Variants in RABL3 observed in about 807,000 individuals in gnomAD.
The protein encoded by RABL3 is RAB, member of RAS oncogene family like 3.
Under a neutral mutation model 31.8 loss-of-function variants are expected in RABL3, and 31 were observed. The ratio of observed to expected loss-of-function variants is 0.97; its 90% CI spans 0.73 to 1.31. RABL3 has a LOEUF of 1.31. RABL3 is among the 40% of genes most tolerant of loss of function. The pLI, the probability that RABL3 is intolerant of heterozygous loss-of-function variation, is 0.00. For missense variants in RABL3, 263 were observed against 279.6 expected (o/e 0.94, Z 0.42); for synonymous variants, 97 against 99.9 (o/e 0.97, Z 0.18).
Position 120,725,771 on chromosome 3 carries a change from C to T in RABL3, c.138+4925G>A, listed in dbSNP as rs373848016. On this transcript the variant is annotated intron_variant, in intron 2 of 7. Coordinates refer to ENST00000273375, the MANE Select transcript of RABL3 (RefSeq NM_173825.5). ...ATGAGAACACATGGACACAGGAAGGCGAACATCACACACTGGGGCCTATTG... is the reference window on the plus strand; with the variant it reads ...ATGAGAACACATGGACACAGGAAGGTGAACATCACACACTGGGGCCTATTG... Among the ~76,000 whole-genome samples the T allele has an allele frequency of 1.2e-4, 18 of 151,940 alleles. No homozygotes were observed. The East Asian group carries it at 2.3e-3, about 20-fold the overall frequency.
intron 4 of RABL3, among the ~76,000 whole-genome samples, chr3:120,699,236 A>G (rs148743550): frequency 6.6e-6 from 1 of 152,352 alleles, no homozygotes; most frequent in Non-Finnish European, 1.5e-5. Context: ...TGCAAAATGA[A>G]TAGTAAAAGG....
At chr3:120,708,077 T>C (rs1708571549) in intron 3 of RABL3, among the ~76,000 whole-genome samples, 1 of 152,048 alleles carries the variant, frequency 6.6e-6, no homozygotes. Context: ...TGCATTTGGA[T>C]AGAGTGATCC....
At chr3:120,715,322 T>G (rs1708655700) in intron 2 of RABL3, among the ~76,000 whole-genome samples, 1 of 152,150 alleles carries the variant, frequency 6.6e-6, no homozygotes, top group Admixed American at 6.5e-5. Flanking sequence ...GCAGATCACT[T>G]GAGGCCAGGA....
chr3:120,730,067 TA>T (rs1443356670), intron 2 of RABL3, among the ~76,000 whole-genome samples: 2 of 152,010 alleles, frequency 1.3e-5, no homozygotes, highest in Non-Finnish European at 2.9e-5. Flanking sequence ...AGCAGCAATG[TA>T]AATCAGAGCT....
Position 120,702,736 on chromosome 3 carries a change from T to C in RABL3, c.383+3264A>G, listed in dbSNP as rs566675681. On this transcript the variant is annotated intron_variant, in intron 4 of 7. Coordinates refer to ENST00000273375, the MANE Select transcript of RABL3 (RefSeq NM_173825.5). The stretch of plus-strand genomic sequence containing the variant: ...CAACGCCTGGCTAATCTTTTGTATT[T>C]TTAGTAGAGACAGGGTTTCACCATG... Among the ~76,000 whole-genome samples the C allele has an allele frequency of 2.6e-5, 4 of 152,080 alleles. No homozygotes were observed. In the South Asian group the frequency reaches 8.3e-4, roughly 32 times the overall value.
intron 2 of RABL3, among the ~76,000 whole-genome samples, chr3:120,710,985 C>T (rs958846359): frequency 2.0e-5 from 3 of 152,154 alleles, no homozygotes; most frequent in African/African-American, 7.2e-5. Context: ...ATGACCTCCA[C>T]ATTGTTAACT....
intron 1 of RABL3, among the ~76,000 whole-genome samples, chr3:120,740,181 A>G (rs1331384223): frequency 6.6e-6 from 1 of 152,252 alleles, no homozygotes; most frequent in Non-Finnish European, 1.5e-5. Context: ...ACCGTATGGT[A>G]GTGAGACTTT....
intron 2 of RABL3, among the ~76,000 whole-genome samples, chr3:120,721,663 C>G (rs1404850946): frequency 6.6e-6 from 1 of 152,180 alleles, no homozygotes; most frequent in Admixed American, 6.5e-5. Flanking sequence ...TACAGGAGCA[C>G]CCAGATTCAT....
chr3:120,709,926 T>A lies in RABL3; in HGVS notation c.139-17A>T, dbSNP rs763818782. 5 of 1,564,926 alleles carry A rather than the reference T, an allele frequency of 3.2e-6. No individual in the cohort carries two copies. In the African/African-American group the frequency reaches 6.9e-5, roughly 21 times the overall value. On this transcript the variant is annotated splice_polypyrimidine_tract_variant and intron_variant, in intron 2 of 7. Transcript: ENST00000273375. Reference sequence around the variant, plus strand: ...ATCATGAACCTAACAAATCAATCAATTAAAATAATTAATATAGCCACTAAA... The same window carrying A: ...ATCATGAACCTAACAAATCAATCAAATAAAATAATTAATATAGCCACTAAA...
chr3:120,736,767 T>G (rs953254458), intron 1 of RABL3, among the ~76,000 whole-genome samples: 24 of 151,974 alleles, frequency 1.6e-4, no homozygotes, highest in African/African-American at 5.1e-4. Context: ...GTCTGTCAAG[T>G]ATTTTATTTC....
intron 2 of RABL3, among the ~76,000 whole-genome samples, chr3:120,723,988 A>G (rs1466517125): frequency 6.6e-6 from 1 of 152,206 alleles, no homozygotes. Context: ...GTATTCAATT[A>G]GGAAAAGAGG....
chr3:120,689,662 G>A lies in RABL3; in HGVS notation c.*161C>T, dbSNP rs535956471. The A allele has an allele frequency of 6.4e-4, 373 of 580,782 alleles. 4 individuals are homozygous for A. In the South Asian group the frequency reaches 7.2e-3, roughly 11 times the overall value. 36.0% of individuals were successfully genotyped at this position (580,782 alleles called of 1,614,324 possible). Reference sequence around the variant, plus strand: ...AACAGGGACAAAGTTTGGACCTCCCGTATTGTCACTTCCTTTCATTTTTCC... The same window carrying A: ...AACAGGGACAAAGTTTGGACCTCCCATATTGTCACTTCCTTTCATTTTTCC... On this transcript the variant is annotated 3_prime_UTR_variant, in exon 8 of 8. Transcript: ENST00000273375.
chr3:120,733,868 A>G (rs1009567621), intron 1 of RABL3, among the ~76,000 whole-genome samples: 1 of 150,960 alleles, frequency 6.6e-6, no homozygotes, highest in African/African-American at 2.4e-5. Context: ...ATGGTTGTAG[A>G]TGTGTAGATG....
intron 6 of RABL3, 98 bp from the exon 7 acceptor site, chr3:120,690,585 C>T: frequency 1.2e-6 from 1 of 804,500 alleles, no homozygotes. Flanking sequence ...TATATCCAAA[C>T]TAAGAATCTT....
chr3:120,736,083 A>T (rs1559824757), intron 1 of RABL3, among the ~76,000 whole-genome samples: 1 of 152,172 alleles, frequency 6.6e-6, no homozygotes, highest in African/African-American at 2.4e-5. Flanking sequence ...AGGTGAGTTC[A>T]ATTCCTGGAT....
chr3:120,735,510 G>A (rs1708948462), intron 1 of RABL3, among the ~76,000 whole-genome samples: 1 of 152,020 alleles, frequency 6.6e-6, no homozygotes, highest in African/African-American at 2.4e-5. Context: ...TGGATTCATT[G>A]ATTTTTTGAA....
intron 2 of RABL3, among the ~76,000 whole-genome samples, chr3:120,716,219 T>C (rs1029478672): frequency 6.6e-6 from 1 of 152,242 alleles, no homozygotes; most frequent in Non-Finnish European, 1.5e-5. Context: ...TCTAAATTCA[T>C]TAAGTCTTGT....
intron 1 of RABL3, among the ~76,000 whole-genome samples, chr3:120,739,385 C>T (rs565561385): frequency 3.5e-4 from 53 of 151,262 alleles, no homozygotes; most frequent in Admixed American, 5.3e-4. Context: ...TCGGTGGTGG[C>T]GGGCAGTGGG....
At chr3:120,737,394 C>G (rs182521381) in intron 1 of RABL3, among the ~76,000 whole-genome samples, 71 of 152,338 alleles carry the variant, frequency 4.7e-4, no homozygotes, top group African/African-American at 1.6e-3. Flanking sequence ...AAGGACTTCT[C>G]TACATTGGTT....
Sources: gnomAD v4.1 joint callset for allele counts (sites outside exome capture counted in the v4.1 genomes callset) on GRCh38, gnomAD v4.1.1 for gene constraint, MANE v1.5 for transcripts, NCBI Gene and HGNC (gene_info 2026-07-23, HGNC 2026-07-21) for gene names.